Variants in THSD7B observed in about 807,000 individuals in gnomAD.
THSD7B encodes the protein thrombospondin type 1 domain containing 7B, also known as thrombospondin type-1 domain-containing protein 7B.
In THSD7B, 138 loss-of-function variants were observed where a neutral mutation model predicts 213.6. The observed-to-expected ratio is 0.65, with a 90% confidence interval of 0.56 to 0.74. THSD7B has a LOEUF of 0.74. Among genes scored for constraint, THSD7B ranks in the 30% least tolerant of loss-of-function variants. THSD7B has a pLI of 0.00. For synonymous variants in THSD7B, 742 were observed against 687.0 expected, an observed-to-expected ratio of 1.08 and a Z score of -1.25; for missense variants, 1,931 against 1,991.5, an observed-to-expected ratio of 0.97 and a Z score of 0.58.
intron 14 of THSD7B, among the ~76,000 whole-genome samples, chr2:137,421,044 T>G (rs1383465113): frequency 1.9e-4 from 1 of 5,354 alleles, no homozygotes; most frequent in East Asian, 0.023. Flanking sequence ...GCAAACCTTT[T>G]GACTCCTTAT....
At chr2:136,794,218 T>C (rs2104916500) in intron 1 of THSD7B, among the ~76,000 whole-genome samples, 1 of 151,874 alleles carries the variant, frequency 6.6e-6, no homozygotes, top group Non-Finnish European at 1.5e-5. Context: ...CATTAATTTT[T>C]ATCTTACCTT....
intron 12 of THSD7B, among the ~76,000 whole-genome samples, chr2:137,296,260 T>A (rs76534654): frequency 6.6e-6 from 1 of 152,174 alleles, no homozygotes; most frequent in Non-Finnish European, 1.5e-5. Context: ...TAGAATTTTT[T>A]CATAGTTTTC....
At chr2:137,249,725 A>G (rs985713624) in intron 10 of THSD7B, among the ~76,000 whole-genome samples, 2 of 152,230 alleles carry the variant, frequency 1.3e-5, no homozygotes. Context: ...GAATCAGAGC[A>G]TGGTGGAAAT....
intron 2 of THSD7B, among the ~76,000 whole-genome samples, chr2:136,882,812 G>A (rs911860140): frequency 2.0e-5 from 3 of 152,130 alleles, no homozygotes; most frequent in African/African-American, 2.4e-5. Context: ...GCAAAGTCAC[G>A]TTAATGTATT....
intron 1 of THSD7B, among the ~76,000 whole-genome samples, chr2:136,876,876 A>C (rs1036206626): frequency 6.6e-6 from 1 of 152,122 alleles, no homozygotes; most frequent in Non-Finnish European, 1.5e-5. Context: ...GGGTAAACAC[A>C]TGTGTTTGTG....
At chr2:137,649,309 G>A (rs535338233) in intron 21 of THSD7B, among the ~76,000 whole-genome samples, 1 of 152,172 alleles carries the variant, frequency 6.6e-6, no homozygotes, top group East Asian at 1.9e-4. Context: ...TTGATTGCCT[G>A]TGCTTTGATA....
intron 7 of THSD7B, among the ~76,000 whole-genome samples, chr2:137,225,230 G>T (rs868839913): frequency 6.6e-6 from 1 of 151,898 alleles, no homozygotes; most frequent in East Asian, 1.9e-4. Flanking sequence ...CCATCTCTTC[G>T]TTCTGAACTG....
At chr2:137,527,664 C>A (rs1680304807) in intron 15 of THSD7B, among the ~76,000 whole-genome samples, 3 of 151,886 alleles carry the variant, frequency 2.0e-5, no homozygotes, top group Admixed American at 6.6e-5. Context: ...ACATTAGGCT[C>A]CCACATAGAC....
chr2:137,273,014 G>A (rs969760047), intron 11 of THSD7B, among the ~76,000 whole-genome samples: 69 of 122,092 alleles, frequency 5.7e-4, no homozygotes, highest in East Asian at 5.1e-3. Context: ...CCACACACAC[G>A]GGAGAAGGAA....
rs542684761 is a variant in THSD7B at position 137,056,981 on chromosome 2, T to C, written c.701T>C (p.Leu234Pro). 1.9e-6 allele frequency: 3 copies of C among 1,613,938 alleles called. No individual in the cohort carries two copies. Among genetic ancestry groups the C allele is most frequent in the Non-Finnish European group, 2.5e-6 (3 of 1,179,872 alleles). ...RACDAPISCP[L>P]GEEEYTFSLK... ...TGTGATGCTCCCATTTCCTGTCCTCTTGGGGAAGAGGAATATACATTTAGC... is the reference window on the plus strand; with the variant it reads ...TGTGATGCTCCCATTTCCTGTCCTCCTGGGGAAGAGGAATATACATTTAGC... The change falls in exon 3 of 28, where the codon CTT (leucine) becomes CCT (proline). Residue 234 changes from leucine (L) to proline (P), a missense_variant. Physicochemically the swap from Leu to Pro is moderately conservative, Grantham distance 98. Coordinates refer to ENST00000409968, the MANE Select transcript of THSD7B (RefSeq NM_001316349.2).
At chr2:137,315,507 C>T (rs866853844) in intron 12 of THSD7B, among the ~76,000 whole-genome samples, 20 of 152,226 alleles carry the variant, frequency 1.3e-4, no homozygotes, top group African/African-American at 4.6e-4. Flanking sequence ...CGGAGCTGTT[C>T]CTATTCAGCC....
At chr2:136,867,039 C>T (rs916203118) in intron 1 of THSD7B, among the ~76,000 whole-genome samples, 1 of 151,874 alleles carries the variant, frequency 6.6e-6, no homozygotes, top group African/African-American at 2.4e-5. Flanking sequence ...TTCATTTATT[C>T]AACATCTACT....
At chr2:137,584,380 C>T (rs112135036) in intron 17 of THSD7B, among the ~76,000 whole-genome samples, 486 of 151,342 alleles carry the variant, frequency 3.2e-3, no homozygotes, top group Non-Finnish European at 4.9e-3. Context: ...ACTATGAATA[C>T]GAGTGGTGTG....
chr2:137,378,140 A>T (rs1685700056), intron 12 of THSD7B, among the ~76,000 whole-genome samples: 1 of 152,172 alleles, frequency 6.6e-6, no homozygotes, highest in Admixed American at 6.6e-5. Flanking sequence ...GATCTATTAA[A>T]AACAACAAAA....
rs1049477019 is a variant in THSD7B at position 137,673,972 on chromosome 2, A to G, written c.4740-2552A>G. Reference sequence around the variant, plus strand: ...CACAAAGGTCCAAGGCCTACCTATTAGTAGCCCCCGCTGGCCACAGTGTCC... The same window carrying G: ...CACAAAGGTCCAAGGCCTACCTATTGGTAGCCCCCGCTGGCCACAGTGTCC... On this transcript the variant is annotated intron_variant, in intron 27 of 27. Coordinates refer to ENST00000409968, the MANE Select transcript of THSD7B (RefSeq NM_001316349.2). Among the ~76,000 whole-genome samples the G allele has an allele frequency of 5.9e-5, 9 of 152,226 alleles. No individual in the cohort carries two copies. The East Asian group carries it at 1.7e-3, about 29-fold the overall frequency.
At chr2:137,233,382 C>A (rs1681688304) in intron 9 of THSD7B, among the ~76,000 whole-genome samples, 1 of 152,074 alleles carries the variant, frequency 6.6e-6, no homozygotes, top group Non-Finnish European at 1.5e-5. Flanking sequence ...GAATAGTGTC[C>A]ACAAACATTG....
chr2:137,281,079 G>A (rs771851349), intron 12 of THSD7B, among the ~76,000 whole-genome samples: 2 of 152,024 alleles, frequency 1.3e-5, no homozygotes, highest in Admixed American at 6.6e-5. Context: ...CTACGATATC[G>A]TTGACTTTCT....
chr2:137,502,437 G>T (rs549528396), intron 15 of THSD7B, among the ~76,000 whole-genome samples: 1 of 152,108 alleles, frequency 6.6e-6, no homozygotes, highest in South Asian at 2.1e-4. Flanking sequence ...GAGAGGGAAA[G>T]GTCAGAGACA....
chr2:137,451,569 C>A (rs1254053023), intron 15 of THSD7B, among the ~76,000 whole-genome samples: 1 of 152,010 alleles, frequency 6.6e-6, no homozygotes, highest in African/African-American at 2.4e-5. Flanking sequence ...TCTCAAAAAT[C>A]ATAGATATTT....
Sources: allele counts gnomAD v4.1 joint callset (sites outside exome capture counted in the v4.1 genomes callset), GRCh38; gene constraint gnomAD v4.1.1; transcripts MANE v1.5; gene names NCBI Gene and HGNC (gene_info 2026-07-23, HGNC 2026-07-21).